ZFHX3: variants seen among roughly 807,000 people sequenced by gnomAD.
The protein encoded by ZFHX3 is zinc finger homeobox 3.
Under a neutral mutation model 279.1 loss-of-function variants are expected in ZFHX3, and 42 were observed. That is an observed-to-expected ratio of 0.15 (90% CI 0.12 to 0.19). The LOEUF is 0.19. ZFHX3 is among the 10% of genes least tolerant of loss of function. The pLI, the probability that ZFHX3 is intolerant of heterozygous loss-of-function variation, is 1.00. For missense variants in ZFHX3, 4,981 were observed against 4,754.0 expected (o/e 1.05, Z -1.40); for synonymous variants, 2,293 against 1,957.8 (o/e 1.17, Z -4.52).
chr16:73,060,540 T>C (rs1166585061), upstream of ZFHX3: 1 of 119,126 alleles, frequency 8.4e-6, no homozygotes, highest in African/African-American at 3.2e-5. Flanking sequence ...CTCTGTCTCT[T>C]CCCCCCCCTT....
At chr16:72,931,566 T>TAA (rs35230717) in intron 3 of ZFHX3, among the ~76,000 whole-genome samples, 9 of 131,148 alleles carry the variant, frequency 6.9e-5, no homozygotes, top group Admixed American at 2.3e-4. Flanking sequence ...ATGCACCATT[T>TAA]AAAAAAAAAA....
chr16:73,832,006 T>G (rs1323737060), intron 1 of ZFHX3, among the ~76,000 whole-genome samples: 1 of 152,180 alleles, frequency 6.6e-6, no homozygotes, highest in Admixed American at 6.5e-5. Context: ...GTTCCAGGGA[T>G]TCTCTTGCCT....
intron 2 of ZFHX3, among the ~76,000 whole-genome samples, chr16:73,546,505 G>A (rs1302981463): frequency 6.6e-6 from 1 of 151,676 alleles, no homozygotes; most frequent in Non-Finnish European, 1.5e-5. Context: ...GCGGGGGGCG[G>A]GGGCGGGTAG....
At chr16:73,319,002 C>T (rs1366595903) in intron 3 of ZFHX3, among the ~76,000 whole-genome samples, 1 of 150,784 alleles carries the variant, frequency 6.6e-6, no homozygotes, top group Non-Finnish European at 1.5e-5. Context: ...GCTGAGCCTG[C>T]GGTCGGCCCA....
At chr16:73,162,696 C>G (rs1967267319) in intron 5 of ZFHX3, among the ~76,000 whole-genome samples, 1 of 152,146 alleles carries the variant, frequency 6.6e-6, no homozygotes, top group Non-Finnish European at 1.5e-5. Context: ...CTCCTGGGCT[C>G]AAGCAATCTG....
Position 72,788,432 on chromosome 16 carries a change from C to G in ZFHX3, c.9844G>C (p.Ala3282Pro), listed in dbSNP as rs780279472. Residue 3282 changes from alanine to proline, a missense_variant, in exon 10 of 10, where the codon GCG (alanine) becomes CCG (proline). Ala to Pro is a conservative substitution (Grantham distance 27). Transcript: ENST00000268489. ...ISAPLPTMEY[A>P]VDPAQLQALQ... ...GCCTGCAGCTGTGCAGGGTCTACCG[C>G]ATACTCCATGGTGGGCAGCGGGGCT... 6.2e-7 allele frequency: 1 copy of G among 1,614,250 alleles called. No homozygotes were observed. Among genetic ancestry groups the G allele is most frequent in the Admixed American group, 1.7e-5 (1 of 60,028 alleles).
rs765152994 is a variant in ZFHX3, at chr16:72,787,695, GCCGCCGCCGCCGCCGCCGCCGCCA to G, written c.10557_10580del (p.Gly3520_Gly3527del). On this transcript the variant is annotated inframe_deletion, in exon 10 of 10. Transcript: ENST00000268489. ...TCTCGCACGCCAGGCAGTGGTACGA[GCCGCCGCCGCCGCCGCCGCCGCCA>G]CCGCCGCCGCCGCCGCCACTGCCAC... The G allele has an allele frequency of 1.3e-4, 165 of 1,227,740 alleles. 21 individuals carry two copies. Among genetic ancestry groups the G allele is most frequent in the South Asian group, 6.5e-4 (26 of 40,276 alleles). The allele number at this position is 1,227,740 out of a possible 1,614,324, so 76.1% of individuals were successfully genotyped here. A position where few individuals can be genotyped will look rare whatever the true frequency, so the allele number is the denominator to read the frequency against.
At chr16:73,484,623 C>G (rs114505677) in intron 2 of ZFHX3, among the ~76,000 whole-genome samples, 97 of 152,326 alleles carry the variant, frequency 6.4e-4, no homozygotes, top group African/African-American at 2.0e-3. Flanking sequence ...TAGCAGGGAA[C>G]TGTGATGCCT....
chr16:73,240,252 T>C (rs1264225702), intron 5 of ZFHX3, among the ~76,000 whole-genome samples: 1 of 151,698 alleles, frequency 6.6e-6, no homozygotes, highest in Non-Finnish European at 1.5e-5. Context: ...ACAGTCTTGC[T>C]CTGTCACCCA....
At chr16:72,911,444 T>C (rs557237629) in intron 3 of ZFHX3, among the ~76,000 whole-genome samples, 1 of 152,278 alleles carries the variant, frequency 6.6e-6, no homozygotes, top group East Asian at 1.9e-4. Flanking sequence ...GAAAGTAACA[T>C]CTTTTTCCTT....
chr16:73,301,361 T>C (rs907109039), intron 4 of ZFHX3, among the ~76,000 whole-genome samples: 2 of 152,186 alleles, frequency 1.3e-5, no homozygotes, highest in Non-Finnish European at 2.9e-5. Flanking sequence ...GTCAAACTTC[T>C]TCAGAGCTTA....
chr16:73,491,338 G>A (rs825842), intron 2 of ZFHX3, among the ~76,000 whole-genome samples: 46,296 of 152,024 alleles, frequency 0.3, 8,174 homozygotes, highest in East Asian at 0.77. Context: ...CCTATCCATT[G>A]ACTGGAATTG....
chr16:73,626,742 T>C (rs2052420835), intron 2 of ZFHX3, among the ~76,000 whole-genome samples: 1 of 152,112 alleles, frequency 6.6e-6, no homozygotes, highest in South Asian at 2.1e-4. Context: ...ATCCCTCCCA[T>C]CCCCCATTTT....
chr16:73,328,735 C>T (rs1372880921), intron 3 of ZFHX3, among the ~76,000 whole-genome samples: 2 of 152,178 alleles, frequency 1.3e-5, no homozygotes, highest in South Asian at 2.1e-4. Context: ...AAGATAAGTG[C>T]TCAGAAGGAT....
intron 1 of ZFHX3, among the ~76,000 whole-genome samples, chr16:73,708,523 G>C (rs1430844682): frequency 6.6e-6 from 1 of 152,164 alleles, no homozygotes; most frequent in Non-Finnish European, 1.5e-5. Context: ...CAAGAAGAAT[G>C]TTCTAGTTCA....
intron 2 of ZFHX3, among the ~76,000 whole-genome samples, chr16:73,572,088 G>A (rs16972191): frequency 3.1e-4 from 47 of 150,184 alleles, no homozygotes; most frequent in Non-Finnish European, 8.8e-5. Context: ...GGCAGGATTT[G>A]AGGAGAATAA....
In ZFHX3 at chr16:72,950,952, G is replaced by T. The variant is rs1400378592; in HGVS notation, c.2733C>A (p.Ile911=). Residue 911 remains isoleucine, a synonymous_variant, in exon 3 of 10, where the codon ATC becomes ATA. Transcript: ENST00000268489. ...AMTPALVGGE[I]PLDMRLGGGQ... ...CGCCCCCGAGCCGCATGTCTAGGGG[G>T]ATCTCACCGCCCACTGCAGGGAAGG... is the stretch of plus-strand genomic sequence containing the variant. 8 of 1,612,570 alleles carry T rather than the reference G, an allele frequency of 5.0e-6. No homozygotes were observed. Among genetic ancestry groups the T allele is most frequent in the Non-Finnish European group, 6.8e-6 (8 of 1,178,832 alleles).
chr16:72,788,907 C>A, intron 9 of ZFHX3, 59 bp from the exon 10 acceptor site: 1 of 1,500,826 alleles, frequency 6.7e-7, no homozygotes, highest in South Asian at 1.4e-5. Context: ...GGCTGAAGCT[C>A]AAGACGTTTT....
intron 5 of ZFHX3, among the ~76,000 whole-genome samples, chr16:73,155,957 G>T (rs1465906391): frequency 2.6e-5 from 4 of 151,980 alleles, no homozygotes; most frequent in Non-Finnish European, 4.4e-5. Context: ...AAGTGGTCGG[G>T]TGTGGTAGCT....
Sources: allele counts gnomAD v4.1 joint callset (sites outside exome capture counted in the v4.1 genomes callset), GRCh38; gene constraint gnomAD v4.1.1; transcripts MANE v1.5; gene names NCBI Gene and HGNC (gene_info 2026-07-23, HGNC 2026-07-21).